Variants in HIVEP3 observed in about 807,000 individuals in gnomAD.
The protein encoded by HIVEP3 is HIVEP zinc finger 3, also known as transcription factor HIVEP3.
In HIVEP3, 49 loss-of-function variants were observed where a neutral mutation model predicts 152.8. The ratio of observed to expected loss-of-function variants is 0.32; its 90% CI spans 0.26 to 0.41. HIVEP3 has a LOEUF of 0.41. HIVEP3 is among the 10% of genes least tolerant of loss of function. HIVEP3 has a pLI of 1.00. For synonymous variants in HIVEP3, 1,269 were observed against 1,289.0 expected (o/e 0.98, Z 0.33); for missense variants, 2,790 against 3,103.3 (o/e 0.90, Z 2.40).
At chr1:42,009,992 C>A (rs748125694) in intron 1 of HIVEP3, among the ~76,000 whole-genome samples, 1 of 152,002 alleles carries the variant, frequency 6.6e-6, no homozygotes, top group Admixed American at 6.6e-5. Flanking sequence ...TGCCATGGTG[C>A]CATCATAGCT....
chr1:41,642,627 C>A (rs1028150925), intron 2 of HIVEP3, among the ~76,000 whole-genome samples: 3 of 152,354 alleles, frequency 2.0e-5, no homozygotes, highest in Non-Finnish European at 4.4e-5. Flanking sequence ...ACCATCTGAT[C>A]TCTGAGGACA....
chr1:41,806,696 C>T (rs553640591), intron 1 of HIVEP3, among the ~76,000 whole-genome samples: 5 of 152,340 alleles, frequency 3.3e-5, no homozygotes, highest in South Asian at 2.1e-4. Flanking sequence ...CCCTCTGTGG[C>T]ACTCCAGTGG....
chr1:41,605,608 A>AGGG lies in HIVEP3; in HGVS notation c.-521-20291_-521-20290insCCC, dbSNP rs767482344. ...GCCATGATAGAAACAGGTTCCCAGT[A>AGGG]CAGGTTGGGAGAGGCTGACTCCTGG... On this transcript the variant is annotated intron_variant, in intron 3 of 8. Coordinates refer to ENST00000372583, the MANE Select transcript of HIVEP3 (RefSeq NM_024503.5). 1.0e-3 allele frequency among the ~76,000 whole-genome samples: 152 copies of AGGG among 152,220 alleles called. No individual in the cohort carries two copies. In the Middle Eastern group the frequency reaches 0.01, roughly 10 times the overall value.
intron 1 of HIVEP3, among the ~76,000 whole-genome samples, chr1:41,734,878 T>C (rs1646893822): frequency 6.6e-6 from 1 of 152,140 alleles, no homozygotes; most frequent in African/African-American, 2.4e-5. Context: ...TCTGCAGCAG[T>C]GAAAATGATG....
chr1:41,992,053 G>T (rs1186056964), intron 1 of HIVEP3, among the ~76,000 whole-genome samples: 1 of 149,032 alleles, frequency 6.7e-6, no homozygotes, highest in African/African-American at 2.5e-5. Context: ...TACTGAATGG[G>T]CAAAACCTGG....
intron 1 of HIVEP3, among the ~76,000 whole-genome samples, chr1:41,797,019 G>A (rs1029946409): frequency 6.6e-6 from 1 of 152,190 alleles, no homozygotes; most frequent in African/African-American, 2.4e-5. Flanking sequence ...GTGTGAGTGT[G>A]ATGGCCATGG....
intron 1 of HIVEP3, among the ~76,000 whole-genome samples, chr1:41,937,163 C>T (rs1437961730): frequency 1.3e-5 from 2 of 152,100 alleles, no homozygotes; most frequent in African/African-American, 4.8e-5. Flanking sequence ...GAGAACTGAT[C>T]CCCCAACATT....
At chr1:41,690,702 G>A (rs1646184818) in intron 2 of HIVEP3, among the ~76,000 whole-genome samples, 1 of 152,224 alleles carries the variant, frequency 6.6e-6, no homozygotes, top group Admixed American at 6.5e-5. Flanking sequence ...TGGATCACCT[G>A]AGGTCGGGAG....
intron 1 of HIVEP3, among the ~76,000 whole-genome samples, chr1:41,951,629 A>G (rs1645107806): frequency 6.6e-6 from 1 of 152,206 alleles, no homozygotes; most frequent in Non-Finnish European, 1.5e-5. Flanking sequence ...AAAGAGTTTC[A>G]ATTGACTCGC....
chr1:41,597,123 G>T (rs1376122617), intron 3 of HIVEP3, among the ~76,000 whole-genome samples: 1 of 151,964 alleles, frequency 6.6e-6, no homozygotes, highest in African/African-American at 2.4e-5. Context: ...TGGAATTTCT[G>T]CACACTGGTC....
intron 1 of HIVEP3, among the ~76,000 whole-genome samples, chr1:41,775,235 A>G (rs1648620945): frequency 6.6e-6 from 1 of 152,218 alleles, no homozygotes; most frequent in African/African-American, 2.4e-5. Context: ...TATTCTGGAT[A>G]CAAGACAAAC....
intron 1 of HIVEP3, among the ~76,000 whole-genome samples, chr1:41,956,776 T>G (rs1645142604): frequency 6.6e-6 from 1 of 152,194 alleles, no homozygotes; most frequent in South Asian, 2.1e-4. Flanking sequence ...ATATGGTTTT[T>G]GAACAGCGCT....
At chr1:41,995,020 A>G (rs963242791) in intron 1 of HIVEP3, among the ~76,000 whole-genome samples, 8 of 152,210 alleles carry the variant, frequency 5.3e-5, no homozygotes, top group African/African-American at 1.4e-4. Flanking sequence ...AGAAAGTCTA[A>G]GATACAGAGA....
At chr1:41,623,904 G>GA (rs61193550) in intron 3 of HIVEP3, among the ~76,000 whole-genome samples, 116,967 of 152,058 alleles carry the variant, frequency 0.77, 45,851 homozygotes, top group East Asian at 1. Context: ...ATGCCGATCA[G>GA]AGTGACGTGT....
chr1:41,524,263 C>T (rs61060191), intron 6 of HIVEP3, among the ~76,000 whole-genome samples: 236 of 152,074 alleles, frequency 1.6e-3, no homozygotes, highest in Middle Eastern at 3.4e-3. Context: ...GGGTGGAGGT[C>T]GGCGCGCTCT....
intron 1 of HIVEP3, among the ~76,000 whole-genome samples, chr1:41,795,175 A>G (rs997854897): frequency 1.3e-5 from 2 of 152,194 alleles, no homozygotes; most frequent in African/African-American, 2.4e-5. Flanking sequence ...AGGATCTGAC[A>G]TTGCATTTAG....
At chr1:42,028,183 T>G (rs550362306) in intron 1 of HIVEP3, among the ~76,000 whole-genome samples, 141 of 152,310 alleles carry the variant, frequency 9.3e-4, no homozygotes, top group Admixed American at 5.4e-3. Context: ...TATTTTATTT[T>G]TTGTTGTTGT....
intron 1 of HIVEP3, among the ~76,000 whole-genome samples, chr1:41,926,733 C>A (rs867311453): frequency 9.2e-5 from 14 of 152,042 alleles, no homozygotes; most frequent in Non-Finnish European, 1.9e-4. Context: ...AATTTGTGAA[C>A]AAAGAAAGGA....
chr1:41,819,558 C>A (rs1642525003), intron 1 of HIVEP3, among the ~76,000 whole-genome samples: 1 of 152,198 alleles, frequency 6.6e-6, no homozygotes, highest in African/African-American at 2.4e-5. Flanking sequence ...ATTTCCCACT[C>A]ATTTTGAAAT....
Sources: allele counts gnomAD v4.1 joint callset (sites outside exome capture counted in the v4.1 genomes callset), GRCh38; gene constraint gnomAD v4.1.1; transcripts MANE v1.5; gene names NCBI Gene and HGNC (gene_info 2026-07-23, HGNC 2026-07-21).